AMZ1: variants seen among roughly 807,000 people sequenced by gnomAD.
AMZ1 encodes the protein archaelysin family metallopeptidase 1, also known as archaemetzincin-1.
Under a neutral mutation model 29.9 loss-of-function variants are expected in AMZ1, and 39 were observed. The observed-to-expected ratio is 1.30, with a 90% CI of 1.01 to 1.70. The LOEUF is 1.70. AMZ1 is among the 40% of genes most tolerant of loss of function. The probability of loss-of-function intolerance (pLI) is 0.00; values close to 1 mark genes in which losing one functional copy is unlikely to be tolerated. For missense variants in AMZ1, 1,041 were observed against 680.6 expected (o/e 1.53, Z -5.89); for synonymous variants, 458 against 304.0 (o/e 1.51, Z -5.27).
At chr7:2,698,357 G>T (rs1787859693) in intron 1 of AMZ1, among the ~76,000 whole-genome samples, 1 of 152,120 alleles carries the variant, frequency 6.6e-6, no homozygotes, top group Admixed American at 6.5e-5. Flanking sequence ...GGCCAACATG[G>T]TGAAACCCTG....
intron 2 of AMZ1, chr7:2,702,438 G>A: frequency 2.3e-6 from 1 of 440,190 alleles, no homozygotes; most frequent in Non-Finnish European, 4.0e-6. Flanking sequence ...AGAAGTCCCT[G>A]TCCCTGGTGA....
At chr7:2,742,031 T>C (rs1275617767) in intron 4 of AMZ1, among the ~76,000 whole-genome samples, 1 of 151,940 alleles carries the variant, frequency 6.6e-6, no homozygotes, top group East Asian at 1.9e-4. Flanking sequence ...TTTATTTTTT[T>C]ATTTTTTTGA....
At chr7:2,763,103 C>T (rs567722470), upstream of AMZ1, 8 of 1,244,484 alleles carry the variant, frequency 6.4e-6, no homozygotes, top group East Asian at 2.2e-4. Context: ...CCACAAGCAG[C>T]CTCTGAAGTC....
chr7:2,703,962 C>T (rs926032751), intron 3 of AMZ1, among the ~76,000 whole-genome samples: 1 of 152,200 alleles, frequency 6.6e-6, no homozygotes, highest in African/African-American at 2.4e-5. Flanking sequence ...AATCTCGGCT[C>T]ATGGCAAGCT....
At chr7:2,730,898 A>G (rs888841135) in intron 4 of AMZ1, 3 of 391,360 alleles carry the variant, frequency 7.7e-6, no homozygotes, top group Non-Finnish European at 1.4e-5. Context: ...TTTCTGTAAA[A>G]GCAAAGCAAG....
At chr7:2,685,007 C>T (rs929139464), upstream of AMZ1, among the ~76,000 whole-genome samples, 2 of 151,544 alleles carry the variant, frequency 1.3e-5, no homozygotes, top group Non-Finnish European at 2.9e-5. Flanking sequence ...GTAGCTGGGA[C>T]TACAGGCGCC....
At chr7:2,723,314 G>A (rs1394547376), downstream of AMZ1, among the ~76,000 whole-genome samples, 2 of 152,202 alleles carry the variant, frequency 1.3e-5, no homozygotes, top group African/African-American at 4.8e-5. Flanking sequence ...ACATGCACCC[G>A]GGTGCATCCA....
At chr7:2,720,476 T>C (rs1480317297), downstream of AMZ1, among the ~76,000 whole-genome samples, 2 of 151,852 alleles carry the variant, frequency 1.3e-5, no homozygotes, top group East Asian at 1.9e-4. Context: ...CGATCTTGGC[T>C]CACTGCAACC....
downstream of AMZ1, among the ~76,000 whole-genome samples, chr7:2,723,365 C>G (rs1789498444): frequency 6.6e-6 from 1 of 152,256 alleles, no homozygotes; most frequent in Admixed American, 6.5e-5. Context: ...GAACCAACTT[C>G]ATTCGTGTGA....
At chr7:2,710,499 C>T (rs748518917) in intron 6 of AMZ1, among the ~76,000 whole-genome samples, 3 of 152,202 alleles carry the variant, frequency 2.0e-5, no homozygotes, top group East Asian at 1.9e-4. Flanking sequence ...TCCTCCCGCC[C>T]GTTGAGGCAA....
At chr7:2,738,567 A>G (rs1235369913) in intron 4 of AMZ1, among the ~76,000 whole-genome samples, 1 of 152,098 alleles carries the variant, frequency 6.6e-6, no homozygotes, top group Non-Finnish European at 1.5e-5. Flanking sequence ...CTGCTTGCTT[A>G]TATTTGGAAA....
intron 4 of AMZ1, among the ~76,000 whole-genome samples, chr7:2,756,655 T>C (rs1303193026): frequency 6.6e-6 from 1 of 152,144 alleles, no homozygotes; most frequent in Admixed American, 6.5e-5. Flanking sequence ...CTGTGTGATC[T>C]TGGGTTAGGA....
At chr7:2,696,015 A>T (rs993206721) in intron 1 of AMZ1, among the ~76,000 whole-genome samples, 2 of 77,486 alleles carry the variant, frequency 2.6e-5, no homozygotes, top group African/African-American at 8.0e-5. Context: ...TTGGGGGGGA[A>T]AAAAAAAAAA....
chr7:2,683,574 A>G (rs1343495667), upstream of AMZ1, among the ~76,000 whole-genome samples: 1 of 151,958 alleles, frequency 6.6e-6, no homozygotes, highest in African/African-American at 2.4e-5. Flanking sequence ...AGTAGCTGGG[A>G]CTACAGGTGC....
chr7:2,707,568 A>C (rs1443812925), intron 3 of AMZ1, among the ~76,000 whole-genome samples: 1 of 151,970 alleles, frequency 6.6e-6, no homozygotes, highest in Non-Finnish European at 1.5e-5. Context: ...AACCATGCTA[A>C]CAAGTTACAC....
chr7:2,723,106 T>C (rs1167497188), downstream of AMZ1, among the ~76,000 whole-genome samples: 4 of 152,152 alleles, frequency 2.6e-5, no homozygotes, highest in South Asian at 6.2e-4. Flanking sequence ...GTAGAAATTA[T>C]ATGTGACTTG....
chr7:2,712,054 T>TCAAAAA (rs1554250700), intron 6 of AMZ1, among the ~76,000 whole-genome samples: 3 of 151,372 alleles, frequency 2.0e-5, no homozygotes, highest in Admixed American at 6.6e-5. Context: ...CTTAAAAAAA[T>TCAAAAA]CGAAAAATGT....
intron 4 of AMZ1, chr7:2,730,939 A>G (rs1264735005): frequency 3.9e-6 from 2 of 509,122 alleles, no homozygotes; most frequent in Non-Finnish European, 7.1e-6. Flanking sequence ...TATTCACAAC[A>G]TCATCACTCG....
intron 4 of AMZ1, among the ~76,000 whole-genome samples, chr7:2,738,272 G>A (rs1325504525): frequency 2.0e-5 from 3 of 146,794 alleles, no homozygotes; most frequent in African/African-American, 2.5e-5. Flanking sequence ...AAAACAGAGT[G>A]AGGCTCCATC....
Sources: allele counts gnomAD v4.1 joint callset (sites outside exome capture counted in the v4.1 genomes callset), GRCh38; gene constraint gnomAD v4.1.1; transcripts MANE v1.5; gene names NCBI Gene and HGNC (gene_info 2026-07-23, HGNC 2026-07-21).